RBBP5: variants seen among roughly 807,000 people sequenced by gnomAD.
RBBP5 encodes retinoblastoma-binding protein 5.
In RBBP5, 5 loss-of-function variants were observed where a neutral mutation model predicts 72.2. The observed-to-expected ratio is 0.07, with a 90% confidence interval of 0.04 to 0.15. RBBP5 has a LOEUF of 0.15. Among genes scored for constraint, RBBP5 ranks in the 10% least tolerant of loss-of-function variants. RBBP5 has a pLI of 1.00. For missense variants in RBBP5, 322 were observed against 652.2 expected (o/e 0.49, Z 5.51); for synonymous variants, 209 against 237.2 (o/e 0.88, Z 1.09).
At chr1:205,118,818 G>A (rs916232239) in intron 1 of RBBP5, among the ~76,000 whole-genome samples, 1 of 152,140 alleles carries the variant, frequency 6.6e-6, no homozygotes, top group East Asian at 1.9e-4. Flanking sequence ...TATCTCCGGT[G>A]CACACTGGTG....
Position 205,088,478 on chromosome 1 carries a change from A to G in RBBP5, c.*309T>C, listed in dbSNP as rs138053747. 1.1e-3 allele frequency: 369 copies of G among 337,274 alleles called. 6 individuals are homozygous for G. In the East Asian group the frequency reaches 0.021, roughly 19 times the overall value. The allele number at this position is 337,274 out of a possible 1,614,324, so 20.9% of individuals were successfully genotyped here. On this transcript the variant is annotated 3_prime_UTR_variant, in exon 14 of 14. Coordinates refer to ENST00000264515, the MANE Select transcript of RBBP5 (RefSeq NM_005057.4). Reference sequence around the variant, plus strand: ...TACAATGAAGTTAGATGAGCAAAACATAAGTATCTTTTCTCCAGCAACATA... The same window carrying G: ...TACAATGAAGTTAGATGAGCAAAACGTAAGTATCTTTTCTCCAGCAACATA...
chr1:205,107,344 G>C (rs1330016890), intron 3 of RBBP5, among the ~76,000 whole-genome samples: 1 of 151,772 alleles, frequency 6.6e-6, no homozygotes, highest in Non-Finnish European at 1.5e-5. Flanking sequence ...GAAAACTAAA[G>C]ACAATGAAAA....
In RBBP5 at chr1:205,101,759, A is replaced by G. The variant is rs750252534; in HGVS notation, c.523-50T>C. 10 of 1,323,710 alleles carry G rather than the reference A, an allele frequency of 7.6e-6. No individual in the cohort carries two copies. In the Admixed American group the frequency reaches 1.6e-4, roughly 21 times the overall value. The allele number at this position is 1,323,710 out of a possible 1,614,324, so 82.0% of individuals were successfully genotyped here. A position where few individuals can be genotyped will look rare whatever the true frequency, so the allele number is the denominator to read the frequency against. On this transcript the variant is annotated intron_variant, in intron 5 of 13. Transcript: ENST00000264515. ...AAAGTAAGTGTTCCAATAACTAACA[A>G]TAATTGATTTGGCTTGTTTCTAATA...
At chr1:205,112,410 T>C (rs1316916611) in intron 3 of RBBP5, among the ~76,000 whole-genome samples, 1 of 152,200 alleles carries the variant, frequency 6.6e-6, no homozygotes, top group African/African-American at 2.4e-5. Context: ...ATAACTTCCT[T>C]CTTTGTGCTT....
At chr1:205,121,656 AG>A (rs897378330) in intron 1 of RBBP5, among the ~76,000 whole-genome samples, 198 bp downstream of exon 1, 2 of 152,180 alleles carry the variant, frequency 1.3e-5, no homozygotes, top group Non-Finnish European at 2.9e-5. Flanking sequence ...TTGATATGAA[AG>A]TGGCCTCGGG....
At chr1:205,103,808 T>C (rs755905757) in intron 5 of RBBP5, 49 bp downstream of exon 5, 1 of 1,572,950 alleles carries the variant, frequency 6.4e-7, no homozygotes, top group Non-Finnish European at 8.7e-7. Flanking sequence ...AAGTAAACAT[T>C]AAATGAGCCA....
rs3767276 is a variant in RBBP5 at position 205,088,994 on chromosome 1, A to C, written c.1589-179T>G. Among the ~76,000 whole-genome samples the C allele has an allele frequency of 2.6e-5, 4 of 152,210 alleles. No homozygotes were observed. The East Asian group carries it at 7.7e-4, about 29-fold the overall frequency. ...CCAATTACTCTTTATTGAACAAAAA[A>C]CAATCCAAATCCAAACCCCCCACCC... On this transcript the variant is annotated intron_variant, in intron 13 of 13. Coordinates refer to ENST00000264515, the MANE Select transcript of RBBP5 (RefSeq NM_005057.4).
chr1:205,115,299 C>T (rs1027307476), intron 2 of RBBP5, among the ~76,000 whole-genome samples: 1 of 151,322 alleles, frequency 6.6e-6, no homozygotes, highest in African/African-American at 2.4e-5. Flanking sequence ...GAATTTATTC[C>T]AAGAATTTAA....
rs1186347321 is a variant in RBBP5 at position 205,099,651 on chromosome 1, A to C, written c.978+90T>G. 7.5e-7 allele frequency: 1 copy of C among 1,327,570 alleles called. No individual in the cohort carries two copies. The highest frequency in any genetic ancestry group is 1.5e-5 in the African/African-American group (1 of 67,306). 82.2% of individuals were successfully genotyped at this position (1,327,570 alleles called of 1,614,324 possible). A position where few individuals can be genotyped will look rare whatever the true frequency, so the allele number is the denominator to read the frequency against. ...GCGAGAATCATATGCAAAAGAAAAT[A>C]AAAATGTAATTTTTAGCTTCCTATG... is the stretch of plus-strand genomic sequence containing the variant. On this transcript the variant is annotated intron_variant, in intron 9 of 13. Transcript: ENST00000264515. The surrounding 1 kb of genome is among the most constrained non-coding windows in gnomAD (Gnocchi z 4.7).
intron 3 of RBBP5, among the ~76,000 whole-genome samples, chr1:205,114,056 ATCC>A (rs2102325536): frequency 6.6e-6 from 1 of 152,380 alleles, no homozygotes; most frequent in South Asian, 2.1e-4. Flanking sequence ...CTAAGAGATC[ATCC>A]AGGCCAGTGC....
At chr1:205,098,150 T>C (rs1655688789) in intron 10 of RBBP5, among the ~76,000 whole-genome samples, 2 of 152,224 alleles carry the variant, frequency 1.3e-5, no homozygotes. Context: ...ATATATTAAA[T>C]GCTTTACATG....
intron 13 of RBBP5, among the ~76,000 whole-genome samples, chr1:205,090,083 T>C (rs1655283743): frequency 6.6e-6 from 1 of 152,088 alleles, no homozygotes; most frequent in African/African-American, 2.4e-5. Flanking sequence ...TGAACTCCTG[T>C]CCTCGAGTGA....
At chr1:205,117,810 C>A (rs1053298636) in intron 1 of RBBP5, among the ~76,000 whole-genome samples, 1 of 151,598 alleles carries the variant, frequency 6.6e-6, no homozygotes, top group African/African-American at 2.4e-5. Context: ...ATATATATAT[C>A]CATATATATA....
intron 1 of RBBP5, among the ~76,000 whole-genome samples, chr1:205,121,159 C>G (rs1656722053): frequency 1.3e-5 from 2 of 152,150 alleles, no homozygotes; most frequent in South Asian, 4.1e-4. Context: ...CTAAATGTCA[C>G]CTAATGGAAG....
At chr1:205,092,169 A>G (rs1333105338) in intron 13 of RBBP5, among the ~76,000 whole-genome samples, 1 of 152,156 alleles carries the variant, frequency 6.6e-6, no homozygotes, top group Non-Finnish European at 1.5e-5. Context: ...TGTGATATCC[A>G]ATTTCATCAC....
At chr1:205,119,551 A>G (rs1656658456) in intron 1 of RBBP5, among the ~76,000 whole-genome samples, 1 of 152,128 alleles carries the variant, frequency 6.6e-6, no homozygotes, top group African/African-American at 2.4e-5. Flanking sequence ...GTAAGCGTCA[A>G]CCTTTTGCCC....
chr1:205,121,834 C>G (rs1366101117), intron 1 of RBBP5, 21 bp downstream of exon 1: 1 of 1,612,302 alleles, frequency 6.2e-7, no homozygotes, highest in Non-Finnish European at 8.5e-7. Flanking sequence ...TTCTCTAAAA[C>G]GCAGCCACAG....
chr1:205,105,819 A>C (rs1254023849), intron 3 of RBBP5, among the ~76,000 whole-genome samples: 2 of 152,244 alleles, frequency 1.3e-5, no homozygotes, highest in African/African-American at 4.8e-5. Flanking sequence ...CCCCAAGAAG[A>C]GCTAAGGGAC....
At chr1:205,119,979 T>G (rs1656673319) in intron 1 of RBBP5, among the ~76,000 whole-genome samples, 1 of 152,196 alleles carries the variant, frequency 6.6e-6, no homozygotes. Flanking sequence ...ACCTGTCTCC[T>G]GACCCCTAGA....
Sources: gnomAD v4.1 joint callset for allele counts (sites outside exome capture counted in the v4.1 genomes callset) on GRCh38, gnomAD v4.1.1 for gene constraint, Gnocchi (gnomAD v3.1) non-coding constraint, MANE v1.5 for transcripts, NCBI Gene and HGNC (gene_info 2026-07-23, HGNC 2026-07-21) for gene names.